The following MDGA2 variants were observed in gnomAD, a reference collection of about 807,000 sequenced individuals.
The protein encoded by MDGA2 is MAM domain containing glycosylphosphatidylinositol anchor 2, also known as MAM domain-containing glycosylphosphatidylinositol anchor protein 2.
Under a neutral mutation model 117.8 loss-of-function variants are expected in MDGA2, and 40 were observed. The observed-to-expected ratio is 0.34, with a 90% CI of 0.26 to 0.44. MDGA2 has a LOEUF of 0.44. Ranked by LOEUF, MDGA2 falls within the 20% of genes least tolerant of loss-of-function variation. MDGA2 has a pLI of 1.00. For missense variants in MDGA2, 1,123 were observed against 1,250.6 expected, an observed-to-expected ratio of 0.90 and a Z score of 1.54; for synonymous variants, 452 against 439.0, an observed-to-expected ratio of 1.03 and a Z score of -0.37.
At chr14:47,275,817 T>C (rs1404550408) in intron 2 of MDGA2, among the ~76,000 whole-genome samples, 1 of 152,138 alleles carries the variant, frequency 6.6e-6, no homozygotes, top group East Asian at 1.9e-4. Flanking sequence ...AGGAGAGAAA[T>C]ACTTCACTTC....
chr14:47,052,735 T>G (rs967312629), intron 7 of MDGA2, among the ~76,000 whole-genome samples: 1 of 151,934 alleles, frequency 6.6e-6, no homozygotes, highest in Non-Finnish European at 1.5e-5. Flanking sequence ...AGGATTCATA[T>G]AATTGTCACC....
At chr14:47,590,244 T>C (rs984328908) in intron 1 of MDGA2, among the ~76,000 whole-genome samples, 2 of 151,890 alleles carry the variant, frequency 1.3e-5, no homozygotes, top group Non-Finnish European at 1.5e-5. Context: ...CCAGAAGTAG[T>C]AGGAGCAGAT....
At chr14:47,501,542 A>G (rs908821492) in intron 1 of MDGA2, among the ~76,000 whole-genome samples, 8 of 152,168 alleles carry the variant, frequency 5.3e-5, no homozygotes, top group Non-Finnish European at 1.2e-4. Flanking sequence ...AACTCTCAAT[A>G]CCTCAGAATG....
At chr14:47,522,374 C>T (rs201571438) in intron 1 of MDGA2, among the ~76,000 whole-genome samples, 20 of 52,486 alleles carry the variant, frequency 3.8e-4, no homozygotes, top group East Asian at 1.3e-3. Flanking sequence ...TGTATATATA[C>T]ACACACACAC....
chr14:46,864,545 GT>G (rs71112467), intron 14 of MDGA2, among the ~76,000 whole-genome samples: 60 of 51,464 alleles, frequency 1.2e-3, no homozygotes, highest in African/African-American at 3.1e-3. Context: ...AGATATTGCT[GT>G]TTTTTTTTTT....
intron 3 of MDGA2, among the ~76,000 whole-genome samples, chr14:47,180,933 C>CA (rs1884676935): frequency 6.6e-6 from 1 of 151,794 alleles, no homozygotes; most frequent in South Asian, 2.1e-4. Flanking sequence ...AACAAACAAA[C>CA]AAAAAAATAA....
chr14:46,853,317 A>G (rs1462537582), intron 15 of MDGA2, among the ~76,000 whole-genome samples: 1 of 151,956 alleles, frequency 6.6e-6, no homozygotes, highest in East Asian at 1.9e-4. Flanking sequence ...GACACTTTCA[A>G]GCAATTTTAT....
At chr14:47,251,914 C>T (rs1887459058) in intron 2 of MDGA2, among the ~76,000 whole-genome samples, 2 of 148,702 alleles carry the variant, frequency 1.3e-5, no homozygotes, top group Admixed American at 1.4e-4. Flanking sequence ...TGACTCAGAA[C>T]AAGGTTGGTT....
intron 1 of MDGA2, among the ~76,000 whole-genome samples, chr14:47,560,535 C>G (rs542141227): frequency 6.6e-6 from 1 of 152,066 alleles, no homozygotes; most frequent in Admixed American, 6.5e-5. Flanking sequence ...GTCCTTGGCC[C>G]GCTTTTTAAT....
At chr14:47,395,904 T>C (rs886309249) in intron 1 of MDGA2, among the ~76,000 whole-genome samples, 7 of 152,168 alleles carry the variant, frequency 4.6e-5, no homozygotes, top group Admixed American at 4.6e-4. Context: ...ATTTTTCTTT[T>C]AACTAGCAAT....
chr14:47,152,076 A>T (rs1176938563), intron 3 of MDGA2, among the ~76,000 whole-genome samples: 1 of 152,180 alleles, frequency 6.6e-6, no homozygotes, highest in African/African-American at 2.4e-5. Flanking sequence ...TGTGCCAAAC[A>T]CTAGTAGATT....
chr14:47,502,181 T>C (rs923822938), intron 1 of MDGA2, among the ~76,000 whole-genome samples: 1 of 152,172 alleles, frequency 6.6e-6, no homozygotes, highest in Non-Finnish European at 1.5e-5. Context: ...AGGAACTTTT[T>C]CTGAAGCATC....
intron 3 of MDGA2, among the ~76,000 whole-genome samples, chr14:47,155,937 A>T (rs1442721930): frequency 1.5e-5 from 1 of 66,610 alleles, no homozygotes; most frequent in Non-Finnish European, 2.9e-5. Context: ...TTTTTGAGAC[A>T]GAGTCTCTGT....
At chr14:47,476,991 G>A (rs149271395) in intron 1 of MDGA2, among the ~76,000 whole-genome samples, 50 of 151,992 alleles carry the variant, frequency 3.3e-4, no homozygotes, top group African/African-American at 9.6e-4. Flanking sequence ...GTGAAACCCC[G>A]TCTCTACTAA....
intron 1 of MDGA2, among the ~76,000 whole-genome samples, chr14:47,479,759 C>G (rs934828009): frequency 8.6e-5 from 13 of 151,416 alleles, no homozygotes; most frequent in South Asian, 2.1e-4. Context: ...AAAAAAAAAA[C>G]AAGCTTTTCC....
At chr14:47,097,183 C>A in intron 5 of MDGA2, 60 bp from the exon 6 acceptor site, 1 of 1,550,902 alleles carries the variant, frequency 6.4e-7, no homozygotes, top group Non-Finnish European at 8.8e-7. Flanking sequence ...TAGAATTCAA[C>A]AGCATGCATT....
chr14:47,264,510 C>T (rs969615106), intron 2 of MDGA2, among the ~76,000 whole-genome samples: 4 of 152,056 alleles, frequency 2.6e-5, no homozygotes, highest in Non-Finnish European at 4.4e-5. Flanking sequence ...AAGGGCTGAA[C>T]TAAGTTTTCT....
chr14:47,221,191 G>A lies in MDGA2; in HGVS notation c.421-2996C>T, dbSNP rs547456323. Among the ~76,000 whole-genome samples the A allele has an allele frequency of 2.0e-5, 3 of 152,278 alleles. No homozygotes were observed. In the South Asian group the frequency reaches 6.2e-4, roughly 32 times the overall value. On this transcript the variant is annotated intron_variant, in intron 2 of 16. Transcript: ENST00000399232. ...AAAACCTAGAAGTTTGGGTGGGAAT[G>A]TAATGCAAAGCAGAGGTAACATTGT...
At chr14:47,673,632 A>ATGTATGTGTGTGTG (rs1555340910) in intron 1 of MDGA2, among the ~76,000 whole-genome samples, 2 of 143,980 alleles carry the variant, frequency 1.4e-5, no homozygotes, top group Non-Finnish European at 3.0e-5. Context: ...TATGACCTGG[A>ATGTATGTGTGTGTG]TGTGTGTGTG....
Sources: allele counts gnomAD v4.1 joint callset (sites outside exome capture counted in the v4.1 genomes callset), GRCh38; gene constraint gnomAD v4.1.1; transcripts MANE v1.5; gene names NCBI Gene and HGNC (gene_info 2026-07-23, HGNC 2026-07-21).